The following PTPN5 variants were observed in gnomAD, a reference collection of about 807,000 sequenced individuals.
PTPN5 encodes the protein tyrosine-protein phosphatase non-receptor type 5.
PTPN5 carries 29 observed loss-of-function variants against 73.9 expected under a neutral mutation model. That is an observed-to-expected ratio of 0.39 (90% CI 0.29 to 0.54). The LOEUF (loss-of-function observed/expected upper bound fraction) is 0.54, where lower values mean the gene tolerates loss of function less well. Ranked by LOEUF, PTPN5 falls within the 20% of genes least tolerant of loss-of-function variation. The pLI, the probability that PTPN5 is intolerant of heterozygous loss-of-function variation, is 0.65. For synonymous variants in PTPN5, 267 were observed against 304.7 expected, an observed-to-expected ratio of 0.88 and a Z score of 1.29; for missense variants, 652 against 751.4, an observed-to-expected ratio of 0.87 and a Z score of 1.55.
In PTPN5 at chr11:18,729,361, T is replaced by G. The variant is rs551240200; in HGVS notation, c.1604+92A>C. 1.1e-5 allele frequency: 8 copies of G among 696,700 alleles called. No individual in the cohort carries two copies. The highest frequency in any genetic ancestry group is 1.8e-5 in the Non-Finnish European group (7 of 385,886). 43.2% of individuals were successfully genotyped at this position (696,700 alleles called of 1,614,324 possible). On this transcript the variant is annotated intron_variant, in intron 14 of 14. Coordinates refer to ENST00000358540, the MANE Select transcript of PTPN5 (RefSeq NM_006906.2). This position sits in a 1 kb window ranked among gnomAD's most constrained non-coding sequence, Gnocchi z 5.2. ...CGTGCCAGTGTTTTCCATCTGCCCC[T>G]CACCCCCCGCCCATGCACATGTGGG...
At chr11:18,768,012 T>C (rs192896862) in intron 2 of PTPN5, among the ~76,000 whole-genome samples, 10 of 152,344 alleles carry the variant, frequency 6.6e-5, no homozygotes, top group Admixed American at 5.2e-4. Flanking sequence ...GTCTCCATCA[T>C]TAGACTGTGG....
rs1453975968 is a variant in PTPN5, at chr11:18,732,802, G to A, written c.1219-100C>T. ...GCGGAGAGATACACAAGGGCAACAG[G>A]GTTGCTGCTACAGAGTGTTGGGTTC... On this transcript the variant is annotated intron_variant, in intron 11 of 14. Coordinates refer to ENST00000358540, the MANE Select transcript of PTPN5 (RefSeq NM_006906.2). The A allele has an allele frequency of 5.2e-6, 5 of 955,260 alleles. 1 individual carries two copies. Among genetic ancestry groups the A allele is most frequent in the Middle Eastern group, 4.2e-4 (2 of 4,742 alleles). The allele number at this position is 955,260 out of a possible 1,614,324, so 59.2% of individuals were successfully genotyped here.
intron 1 of PTPN5, among the ~76,000 whole-genome samples, chr11:18,779,850 C>G (rs553144903): frequency 6.6e-6 from 1 of 152,334 alleles, no homozygotes; most frequent in East Asian, 1.9e-4. Context: ...CTGCCACTTT[C>G]TCCACAAGGG....
chr11:18,736,990 A>G (rs1324153934), intron 9 of PTPN5, among the ~76,000 whole-genome samples: 1 of 152,210 alleles, frequency 6.6e-6, no homozygotes, highest in Non-Finnish European at 1.5e-5. Context: ...CTACAAGTCG[A>G]TATTTTAAAA....
chr11:18,747,042 TA>T (rs1846071573), intron 3 of PTPN5, among the ~76,000 whole-genome samples: 1 of 152,108 alleles, frequency 6.6e-6, no homozygotes, highest in African/African-American at 2.4e-5. Context: ...TCCTTATCTG[TA>T]AAAAGAAGGG....
At chr11:18,752,029 G>A (rs781685177) in intron 3 of PTPN5, among the ~76,000 whole-genome samples, 4 of 152,114 alleles carry the variant, frequency 2.6e-5, no homozygotes, top group Non-Finnish European at 5.9e-5. Flanking sequence ...ACAGGAGTTC[G>A]AGACCAGCCT....
At chr11:18,735,221 C>A (rs1364929785) in intron 9 of PTPN5, among the ~76,000 whole-genome samples, 2 of 152,244 alleles carry the variant, frequency 1.3e-5, no homozygotes, top group East Asian at 3.9e-4. Flanking sequence ...AGGGCACAAG[C>A]TTCGCCTCTT....
At chr11:18,744,681 C>T (rs760070008) in intron 3 of PTPN5, among the ~76,000 whole-genome samples, 2 of 152,172 alleles carry the variant, frequency 1.3e-5, no homozygotes, top group African/African-American at 2.4e-5. Context: ...GACAAGACCA[C>T]ATCCATGTGC....
chr11:18,735,549 C>T (rs1452853829), intron 9 of PTPN5, among the ~76,000 whole-genome samples: 1 of 152,114 alleles, frequency 6.6e-6, no homozygotes, highest in African/African-American at 2.4e-5. Context: ...GGCGTGGTGG[C>T]TCAAGCCTGT....
intron 3 of PTPN5, among the ~76,000 whole-genome samples, chr11:18,754,391 A>C (rs1279863879): frequency 6.6e-6 from 1 of 152,166 alleles, no homozygotes; most frequent in Non-Finnish European, 1.5e-5. Context: ...GAGACCCCTG[A>C]ATCTCCTTTC....
chr11:18,789,502 C>T (rs1851817507), intron 1 of PTPN5, among the ~76,000 whole-genome samples: 1 of 152,166 alleles, frequency 6.6e-6, no homozygotes, highest in African/African-American at 2.4e-5. Context: ...ACCCAGGGGC[C>T]ACCATTCATT....
chr11:18,756,992 C>T (rs1850185569), intron 3 of PTPN5, among the ~76,000 whole-genome samples: 2 of 151,944 alleles, frequency 1.3e-5, no homozygotes, highest in Non-Finnish European at 2.9e-5. Flanking sequence ...ATAAACATCC[C>T]CACCTGTCCC....
chr11:18,732,087 C>T (rs934280151), intron 12 of PTPN5, among the ~76,000 whole-genome samples: 2 of 152,186 alleles, frequency 1.3e-5, no homozygotes, highest in Non-Finnish European at 2.9e-5. Flanking sequence ...CTTCCTTTTT[C>T]TTGCTGTTTT....
At chr11:18,732,962 T>C (rs931170717) in intron 11 of PTPN5, among the ~76,000 whole-genome samples, 2 of 151,952 alleles carry the variant, frequency 1.3e-5, no homozygotes, top group African/African-American at 2.4e-5. Flanking sequence ...GGTACAGGAG[T>C]AGCCAACATC....
intron 3 of PTPN5, among the ~76,000 whole-genome samples, chr11:18,760,742 T>C (rs1028874975): frequency 6.6e-6 from 1 of 152,220 alleles, no homozygotes; most frequent in Non-Finnish European, 1.5e-5. Context: ...AGCAGCGTTG[T>C]CCTTAGACCT....
chr11:18,789,427 G>A (rs1234345867), intron 1 of PTPN5, among the ~76,000 whole-genome samples: 1 of 152,188 alleles, frequency 6.6e-6, no homozygotes, highest in African/African-American at 2.4e-5. Context: ...CAGCCAGTGA[G>A]GAAGAGACTG....
At chr11:18,777,411 T>C (rs1851209307) in intron 1 of PTPN5, among the ~76,000 whole-genome samples, 1 of 152,190 alleles carries the variant, frequency 6.6e-6, no homozygotes, top group South Asian at 2.1e-4. Flanking sequence ...ATGGAAAATG[T>C]GTAGATCAGG....
intron 4 of PTPN5, 106 bp downstream of exon 4, chr11:18,743,900 C>T (rs1849491046): frequency 6.9e-6 from 9 of 1,310,516 alleles, no homozygotes; most frequent in Non-Finnish European, 8.2e-6. Flanking sequence ...ACCAGGGAGG[C>T]CCCTTATCCT....
At chr11:18,789,638 A>G (rs1217949536) in intron 1 of PTPN5, among the ~76,000 whole-genome samples, 3 of 152,178 alleles carry the variant, frequency 2.0e-5, no homozygotes, top group Non-Finnish European at 1.5e-5. Context: ...ACCCCCCTCA[A>G]AAAGGAAGTT....
Sources: gnomAD v4.1 joint callset for allele counts (sites outside exome capture counted in the v4.1 genomes callset) on GRCh38, gnomAD v4.1.1 for gene constraint, Gnocchi (gnomAD v3.1) non-coding constraint, MANE v1.5 for transcripts, NCBI Gene and HGNC (gene_info 2026-07-23, HGNC 2026-07-21) for gene names.